The following TIAM1 variants were observed in gnomAD, a reference collection of about 807,000 sequenced individuals.
TIAM1 encodes the protein TIAM Rac1 associated GEF 1.
Under a neutral mutation model 163.5 loss-of-function variants are expected in TIAM1, and 65 were observed. The observed-to-expected ratio is 0.40, with a 90% CI of 0.33 to 0.49. TIAM1 has a LOEUF of 0.49. Among genes scored for constraint, TIAM1 ranks in the 20% least tolerant of loss-of-function variants. The pLI, the probability that TIAM1 is intolerant of heterozygous loss-of-function variation, is 0.77. For missense variants in TIAM1, 1,789 were observed against 2,044.7 expected, an observed-to-expected ratio of 0.87 and a Z score of 2.41; for synonymous variants, 833 against 810.1, an observed-to-expected ratio of 1.03 and a Z score of -0.48.
chr21:31,409,141 C>T (rs1259459114), intron 2 of TIAM1, among the ~76,000 whole-genome samples: 6 of 149,646 alleles, frequency 4.0e-5, no homozygotes, highest in African/African-American at 1.2e-4. Flanking sequence ...GACGAAGTCT[C>T]GCACTGTCAC....
At position 31,131,992 on chromosome 21, in the gene TIAM1, T is replaced by C. The variant is rs141057005; in HGVS notation, c.3884-1044A>G. Among the ~76,000 whole-genome samples the C allele has an allele frequency of 3.6e-3, 553 of 152,302 alleles. 5 individuals are homozygous for C. Among genetic ancestry groups the C allele is most frequent in the African/African-American group, 0.013 (532 of 41,558 alleles). ...TGTTGTTTGGAAGCTGGCCACTTTA[T>C]GGTATTTTGTTATAGCAGCCCAAAT... On this transcript the variant is annotated intron_variant, in intron 23 of 27. Coordinates refer to ENST00000541036, the MANE Select transcript of TIAM1 (RefSeq NM_001353694.2).
intron 2 of TIAM1, among the ~76,000 whole-genome samples, chr21:31,445,067 C>T (rs1395311466): frequency 6.6e-6 from 1 of 152,072 alleles, no homozygotes; most frequent in Non-Finnish European, 1.5e-5. Context: ...ACAACTACTG[C>T]TTTTGATACA....
At chr21:31,429,755 G>T (rs1602257949) in intron 2 of TIAM1, among the ~76,000 whole-genome samples, 2 of 152,284 alleles carry the variant, frequency 1.3e-5, no homozygotes, top group African/African-American at 4.8e-5. Context: ...GGAGTCTTCT[G>T]TGCACCGCTC....
At chr21:31,289,531 G>T (rs1297745443) in intron 2 of TIAM1, among the ~76,000 whole-genome samples, 1 of 152,164 alleles carries the variant, frequency 6.6e-6, no homozygotes, top group Non-Finnish European at 1.5e-5. Context: ...CCCCAGAAAA[G>T]TGACCTAAGC....
chr21:31,341,593 A>C (rs1356698547), intron 1 of TIAM1, among the ~76,000 whole-genome samples: 1 of 152,242 alleles, frequency 6.6e-6, no homozygotes, highest in African/African-American at 2.4e-5. Context: ...TTCCAGAACA[A>C]TATCACAGGG....
chr21:31,245,372 TAA>T (rs35494700), intron 6 of TIAM1, 114 bp downstream of exon 6: 25,952 of 207,460 alleles, frequency 0.13, 66 homozygotes, highest in East Asian at 0.18. Context: ...ATCTCACCAC[TAA>T]AAAAAAAAAA....
chr21:31,412,249 G>A (rs893570289), intron 2 of TIAM1, among the ~76,000 whole-genome samples: 10 of 152,162 alleles, frequency 6.6e-5, no homozygotes, highest in African/African-American at 2.4e-4. Context: ...GTAGAGTGTG[G>A]AACGATAGAC....
intron 2 of TIAM1, among the ~76,000 whole-genome samples, chr21:31,300,218 G>T (rs1354862903): frequency 6.6e-6 from 1 of 152,108 alleles, no homozygotes; most frequent in Admixed American, 6.6e-5. Flanking sequence ...CCACACTCTG[G>T]CATGAATGGA....
At chr21:31,173,374 C>CAAATA (rs2084606415) in intron 15 of TIAM1, among the ~76,000 whole-genome samples, 1 of 152,130 alleles carries the variant, frequency 6.6e-6, no homozygotes, top group Non-Finnish European at 1.5e-5. Flanking sequence ...TTAGCTGGAA[C>CAAATA]TCAACTGTTA....
upstream of TIAM1, among the ~76,000 whole-genome samples, chr21:31,346,097 A>T (rs1385317551): frequency 6.6e-6 from 1 of 152,024 alleles, no homozygotes; most frequent in East Asian, 1.9e-4. Flanking sequence ...TGCTACTGAT[A>T]TCTAGTAGGT....
chr21:31,413,259 CTTTT>C (rs2043263932), intron 2 of TIAM1, among the ~76,000 whole-genome samples: 1 of 128,758 alleles, frequency 7.8e-6, no homozygotes, highest in African/African-American at 3.1e-5. Flanking sequence ...CTTTTCTTTT[CTTTT>C]CTTTTTTTTT....
At chr21:31,433,148 G>C (rs1034103397) in intron 2 of TIAM1, among the ~76,000 whole-genome samples, 2 of 152,188 alleles carry the variant, frequency 1.3e-5, no homozygotes, top group East Asian at 3.8e-4. Context: ...ATAGGTACTA[G>C]AGAAATTGAA....
At position 31,130,234 on chromosome 21, in the gene TIAM1, C is replaced by A; in HGVS notation, c.4024G>T (p.Val1342Phe). 6.2e-7 allele frequency: 1 copy of A among 1,614,102 alleles called. No individual in the cohort carries two copies. Among genetic ancestry groups the A allele is most frequent in the Non-Finnish European group, 8.5e-7 (1 of 1,180,020 alleles). ...RHMIPTEALQVRALASADAEA... is the reference protein window; with the variant it reads ...RHMIPTEALQFRALASADAEA... ...TTACCTGCACTCGCCAAAGCTCGAA[C>A]CTGCAGCGCTTCCGTGGGGATCATG... Residue 1342 changes from valine (V) to phenylalanine (F), a missense_variant, in exon 25 of 28, where the codon GTT becomes TTT. Val to Phe is a conservative substitution (Grantham distance 50, BLOSUM62 -1). Coordinates refer to ENST00000541036, the MANE Select transcript of TIAM1 (RefSeq NM_001353694.2).
At chr21:31,191,437 ACCC>A (rs1264370448) in intron 13 of TIAM1, among the ~76,000 whole-genome samples, 7 of 152,130 alleles carry the variant, frequency 4.6e-5, no homozygotes, top group Non-Finnish European at 8.8e-5. Context: ...TACAGGTGTG[ACCC>A]TCTGTGTCCA....
chr21:31,170,381 A>G (rs1024128913), intron 15 of TIAM1, among the ~76,000 whole-genome samples: 1 of 152,250 alleles, frequency 6.6e-6, no homozygotes, highest in Non-Finnish European at 1.5e-5. Context: ...TTAGCAATTT[A>G]TGCAAGTAGG....
At chr21:31,292,324 T>C (rs1296205606) in intron 2 of TIAM1, among the ~76,000 whole-genome samples, 1 of 152,104 alleles carries the variant, frequency 6.6e-6, no homozygotes, top group Non-Finnish European at 1.5e-5. Flanking sequence ...TTGTCTCTTC[T>C]ATTCCTACCC....
intron 20 of TIAM1, among the ~76,000 whole-genome samples, chr21:31,142,167 G>C (rs1430414475): frequency 6.6e-6 from 1 of 152,086 alleles, no homozygotes. Flanking sequence ...GGGTGCCCCT[G>C]CCTCTTGGGA....
At chr21:31,447,836 G>A (rs956487308) in intron 2 of TIAM1, among the ~76,000 whole-genome samples, 1 of 152,154 alleles carries the variant, frequency 6.6e-6, no homozygotes, top group East Asian at 1.9e-4. Context: ...TTATTATAAG[G>A]AATTGGCTCG....
chr21:31,233,395 A>G (rs2088548050), intron 6 of TIAM1, among the ~76,000 whole-genome samples: 1 of 152,178 alleles, frequency 6.6e-6, no homozygotes. Flanking sequence ...TATTTAAGCT[A>G]TTATTTTTAA....
Sources: gnomAD v4.1 joint callset for allele counts (sites outside exome capture counted in the v4.1 genomes callset) on GRCh38, gnomAD v4.1.1 for gene constraint, MANE v1.5 for transcripts, NCBI Gene and HGNC (gene_info 2026-07-23, HGNC 2026-07-21) for gene names.